The following LEO1 variants were observed in gnomAD, a reference collection of about 807,000 sequenced individuals.
The protein encoded by LEO1 is LEO1 component of Paf1/RNA polymerase II complex, also known as RNA polymerase-associated protein LEO1.
LEO1 carries 34 observed loss-of-function variants against 80.4 expected under a neutral mutation model. The observed-to-expected ratio is 0.42, with a 90% CI of 0.32 to 0.56. The LOEUF is 0.56. Among genes scored for constraint, LEO1 ranks in the 20% least tolerant of loss-of-function variants. The probability of loss-of-function intolerance (pLI) is 0.10; values close to 1 mark genes in which losing one functional copy is unlikely to be tolerated. For synonymous variants in LEO1, 262 were observed against 274.9 expected, an observed-to-expected ratio of 0.95 and a Z score of 0.46; for missense variants, 631 against 814.2, an observed-to-expected ratio of 0.77 and a Z score of 2.74.
intron 2 of LEO1, 45 bp downstream of exon 2, chr15:51,965,704 T>C: frequency 6.4e-7 from 1 of 1,550,898 alleles, no homozygotes; most frequent in Non-Finnish European, 8.7e-7. Flanking sequence ...CTGCTGTATC[T>C]GAATGCTTCT....
Position 51,945,262 on chromosome 15 carries a change from C to CAAAAAAAAAAAAAAAAA in LEO1, c.1896+2013_1896+2029dup, listed in dbSNP as rs71130110. Among the ~76,000 whole-genome samples, 73 of 80,344 alleles carry CAAAAAAAAAAAAAAAAA rather than the reference C, an allele frequency of 9.1e-4. 2 individuals are homozygous for CAAAAAAAAAAAAAAAAA. The highest frequency in any genetic ancestry group is 3.9e-3 in the East Asian group (7 of 1,798). The allele number at this position is 80,344 out of a possible 152,430, so 52.7% of individuals were successfully genotyped here. On this transcript the variant is annotated intron_variant, in intron 11 of 11. Coordinates refer to ENST00000299601, the MANE Select transcript of LEO1 (RefSeq NM_138792.4). ...TGAAACCCCATCTCTACAAAAAATA[C>CAAAAAAAAAAAAAAAAA]AAAAAAAAAAAAAAAAAGCCTTACA...
chr15:51,957,120 GC>G lies in LEO1; in HGVS notation c.1245+1621del, dbSNP rs1483729318. On this transcript the variant is annotated intron_variant, in intron 6 of 11. Transcript: ENST00000299601. The stretch of plus-strand genomic sequence containing the variant: ...TTACAGATATGCGGCACCATGCCCG[GC>G]CTTTGAAGTCTGACACCCATACTAG... Among the ~76,000 whole-genome samples the G allele has an allele frequency of 2.6e-5, 4 of 152,260 alleles. No homozygotes were observed. The South Asian group carries it at 8.3e-4, about 32-fold the overall frequency.
chr15:51,963,598 C>T (rs573982334), intron 2 of LEO1, among the ~76,000 whole-genome samples: 9 of 151,988 alleles, frequency 5.9e-5, no homozygotes, highest in South Asian at 2.1e-4. Context: ...TTTCTGGTAA[C>T]AGTAAAAACA....
chr15:51,943,558 G>C (rs1595930240), intron 11 of LEO1, among the ~76,000 whole-genome samples: 1 of 151,854 alleles, frequency 6.6e-6, no homozygotes, highest in Middle Eastern at 3.4e-3. Flanking sequence ...AAATTAGCCA[G>C]GCATGGTGGC....
chr15:51,950,954 C>G (rs1273043685), intron 9 of LEO1, among the ~76,000 whole-genome samples: 1 of 152,144 alleles, frequency 6.6e-6, no homozygotes, highest in African/African-American at 2.4e-5. Flanking sequence ...TGGAACAAGC[C>G]CAGCTCCAAA....
In LEO1 at chr15:51,966,475, C is replaced by A; in HGVS notation, c.88G>T (p.Asp30Tyr). 2 of 1,610,038 alleles carry A rather than the reference C, an allele frequency of 1.2e-6. No homozygotes were observed. The highest frequency in any genetic ancestry group is 2.2e-5 in the South Asian group (2 of 90,654). The change falls in exon 2 of 12, where the codon GAT (aspartate) becomes TAT (tyrosine). Residue 30 changes from aspartate (D) to tyrosine (Y), a missense_variant. Asp to Tyr is a radical substitution (Grantham distance 160, BLOSUM62 -3). Around this residue, in one of 4 missense-constraint regions of LEO1, gnomAD observed 394 missense variants for 395.6 expected, o/e 1.00. Transcript: ENST00000299601. The stretch of plus-strand genomic sequence containing the variant: ...CTGCCAGAGGCAGCATTCTCTTGAT[C>A]AGAATCTGAGTCAGATCCAGAATCA... ...DSDSGSDSDS[D>Y]QENAASGSNA...
chr15:51,946,250 C>T (rs943586145), intron 11 of LEO1, among the ~76,000 whole-genome samples: 3 of 152,046 alleles, frequency 2.0e-5, no homozygotes, highest in Non-Finnish European at 1.5e-5. Context: ...AGCACAATGG[C>T]GCGATCTCGG....
chr15:51,963,030 A>T (rs2141774489), intron 2 of LEO1, among the ~76,000 whole-genome samples: 1 of 152,146 alleles, frequency 6.6e-6, no homozygotes, highest in South Asian at 2.1e-4. Context: ...TAATCCCAGC[A>T]CTTTGAGAGG....
chr15:51,962,295 A>C (rs1388619716), intron 3 of LEO1, 94 bp downstream of exon 3: 1 of 749,020 alleles, frequency 1.3e-6, no homozygotes, highest in Non-Finnish European at 2.1e-6. Flanking sequence ...GGGTCTGGCG[A>C]TCTGGGGTAA....
chr15:51,955,966 T>G lies in LEO1; in HGVS notation c.1246-1391A>C, dbSNP rs114447427. ...GGGGAATATGTAGATGACAAAAGAT[T>G]GTTAACTCGACAACTGTTGAAGTGG... On this transcript the variant is annotated intron_variant, in intron 6 of 11. Coordinates refer to ENST00000299601, the MANE Select transcript of LEO1 (RefSeq NM_138792.4). Among the ~76,000 whole-genome samples, 366 of 152,320 alleles carry G rather than the reference T, an allele frequency of 2.4e-3. 3 individuals are homozygous for G. Among genetic ancestry groups the G allele is most frequent in the African/African-American group, 8.3e-3 (347 of 41,558 alleles).
intron 9 of LEO1, among the ~76,000 whole-genome samples, 175 bp from the exon 10 acceptor site, chr15:51,950,169 G>A (rs192146809): frequency 6.6e-4 from 101 of 152,304 alleles, no homozygotes; most frequent in Admixed American, 5.7e-3. Flanking sequence ...GTTTGCAGGA[G>A]CAAAGGCAAC....
chr15:51,961,045 T>C (rs2057025983), intron 3 of LEO1, among the ~76,000 whole-genome samples: 1 of 152,186 alleles, frequency 6.6e-6, no homozygotes, highest in South Asian at 2.1e-4. Flanking sequence ...AAGTTGGGGC[T>C]GAAGCACTCC....
At chr15:51,959,299 C>T (rs888291272) in intron 5 of LEO1, among the ~76,000 whole-genome samples, 28 of 152,088 alleles carry the variant, frequency 1.8e-4, no homozygotes, top group African/African-American at 5.3e-4. Flanking sequence ...CCACCACACC[C>T]GGCCAGTAAT....
chr15:51,965,916 C>T lies in LEO1; in HGVS notation c.647G>A (p.Arg216Gln), dbSNP rs368626497. 16 of 1,614,054 alleles carry T rather than the reference C, an allele frequency of 9.9e-6. No homozygotes were observed. The highest frequency in any genetic ancestry group is 3.3e-4 in the Middle Eastern group (2 of 6,062). The change falls in exon 2 of 12, where the codon CGG becomes CAG. Residue 216 changes from arginine to glutamine, a missense_variant. Physicochemically the swap from Arg to Gln is conservative, Grantham distance 43 (BLOSUM62 1). Around this residue, in one of 4 missense-constraint regions of LEO1, gnomAD observed 394 missense variants for 395.6 expected, o/e 1.00. Coordinates refer to ENST00000299601, the MANE Select transcript of LEO1 (RefSeq NM_138792.4). ...ATCATCATTATCAGAAGCTACCGGC[C>T]GTTCATCATCAGAATTAGCCTTTTC... ...EEEKANSDDE[R>Q]PVASDNDDEK... is the part of the protein sequence containing the mutation.
At chr15:51,957,371 C>T (rs1390846886) in intron 6 of LEO1, among the ~76,000 whole-genome samples, 1 of 152,028 alleles carries the variant, frequency 6.6e-6, no homozygotes, top group Non-Finnish European at 1.5e-5. Flanking sequence ...ACTGCTAAGC[C>T]TAAATCAATA....
At chr15:51,964,031 C>A (rs1433404773) in intron 2 of LEO1, among the ~76,000 whole-genome samples, 1 of 151,898 alleles carries the variant, frequency 6.6e-6, no homozygotes, top group Non-Finnish European at 1.5e-5. Flanking sequence ...ACGGTGAAAC[C>A]CTGTCTCTAC....
chr15:51,940,015 G>A (rs767226907), intron 11 of LEO1, among the ~76,000 whole-genome samples: 8 of 152,146 alleles, frequency 5.3e-5, no homozygotes, highest in Non-Finnish European at 1.2e-4. Context: ...CAGCACTTTG[G>A]GAGGCCAAGG....
At position 51,971,730 on chromosome 15, in the gene LEO1, C is replaced by G; in HGVS notation, c.16G>C (p.Asp6His). MADMEDLFGSDADSEA... is the reference protein window; with the variant it reads MADMEHLFGSDADSEA... Reference sequence around the variant, plus strand: ...CTGTCGGCGTCGCTCCCGAAGAGATCCTCCATATCCGCCATTATCGCTCAC... The same window carrying G: ...CTGTCGGCGTCGCTCCCGAAGAGATGCTCCATATCCGCCATTATCGCTCAC... The change falls in exon 1 of 12, where the codon GAT becomes CAT. Residue 6 changes from aspartate to histidine, a missense_variant. Transcript: ENST00000299601. 6.2e-7 allele frequency: 1 copy of G among 1,614,216 alleles called. No individual in the cohort carries two copies. The highest frequency in any genetic ancestry group is 1.1e-5 in the South Asian group (1 of 91,088).
At chr15:51,949,530 T>A (rs2056929375) in intron 10 of LEO1, among the ~76,000 whole-genome samples, 1 of 151,880 alleles carries the variant, frequency 6.6e-6, no homozygotes, top group Non-Finnish European at 1.5e-5. Context: ...TGAAACCCCG[T>A]CTCTACTAAA....
Sources: allele counts gnomAD v4.1 joint callset (sites outside exome capture counted in the v4.1 genomes callset), GRCh38; gene constraint gnomAD v4.1.1; regional missense constraint gnomAD v4.1.1; transcripts MANE v1.5; gene names NCBI Gene and HGNC (gene_info 2026-07-23, HGNC 2026-07-21).